CYB5D2: variants seen among roughly 807,000 people sequenced by gnomAD.
CYB5D2 encodes the protein cytochrome b5 domain containing 2.
A neutral mutation model predicts 22.8 loss-of-function variants in CYB5D2; 23 were observed. That is an observed-to-expected ratio of 1.01 (90% CI 0.73 to 1.43). CYB5D2 has a LOEUF of 1.43. Ranked by LOEUF, CYB5D2 falls within the 40% of genes most tolerant of loss-of-function variation. The pLI, the probability that CYB5D2 is intolerant of heterozygous loss-of-function variation, is 0.00. For synonymous variants in CYB5D2, 170 were observed against 152.2 expected (o/e 1.12, Z -0.86); for missense variants, 373 against 357.2 (o/e 1.04, Z -0.36).
At chr17:4,144,375 T>G (rs1047426008) in intron 1 of CYB5D2, among the ~76,000 whole-genome samples, 2 of 152,078 alleles carry the variant, frequency 1.3e-5, no homozygotes, top group African/African-American at 4.8e-5. Flanking sequence ...CCTCACAGTT[T>G]CCTTAATAAT....
At chr17:4,151,996 A>C in intron 2 of CYB5D2, among the ~76,000 whole-genome samples, 2 of 150,042 alleles carry the variant, frequency 1.3e-5, no homozygotes, top group South Asian at 2.1e-4. Context: ...ACGGAGTGAG[A>C]CCCTGTCTCA....
chr17:4,148,412 G>A (rs2059016233), intron 1 of CYB5D2, among the ~76,000 whole-genome samples: 1 of 151,912 alleles, frequency 6.6e-6, no homozygotes, highest in African/African-American at 2.4e-5. Context: ...AGCTACTCAG[G>A]AGGCTGAGGC....
chr17:4,143,712 A>C lies in CYB5D2; in HGVS notation c.-44A>C. On this transcript the variant is annotated 5_prime_UTR_variant, in exon 1 of 4. Transcript: ENST00000301391. Reference sequence around the variant, plus strand: ...CGTCTCGGCCATCTTAGCTGTAGATAGAGGCGGCAACCTCGGAAGTGCGGA... The same window carrying C: ...CGTCTCGGCCATCTTAGCTGTAGATCGAGGCGGCAACCTCGGAAGTGCGGA... 6.4e-7 allele frequency: 1 copy of C among 1,569,942 alleles called. No individual in the cohort carries two copies. Among genetic ancestry groups the C allele is most frequent in the Non-Finnish European group, 8.7e-7 (1 of 1,154,824 alleles).
At chr17:4,148,922 G>C (rs1005648198) in intron 1 of CYB5D2, among the ~76,000 whole-genome samples, 8 of 151,730 alleles carry the variant, frequency 5.3e-5, no homozygotes, top group African/African-American at 1.9e-4. Context: ...TGGCTGTGAG[G>C]GTGCTGATAA....
chr17:4,156,782 C>A, intron 3 of CYB5D2, 84 bp from the exon 4 acceptor site: 1 of 1,440,156 alleles, frequency 6.9e-7, no homozygotes. Context: ...TTTCAGAAGG[C>A]CTGGCTCTCT....
intron 1 of CYB5D2, 106 bp from the exon 2 acceptor site, chr17:4,149,785 T>TGG: frequency 7.1e-7 from 1 of 1,409,244 alleles, no homozygotes; most frequent in Non-Finnish European, 9.5e-7. Flanking sequence ...GGCAACAGAG[T>TGG]GCGACTCCGT....
At chr17:4,144,697 C>T (rs1215654218) in intron 1 of CYB5D2, among the ~76,000 whole-genome samples, 1 of 152,144 alleles carries the variant, frequency 6.6e-6, no homozygotes, top group Non-Finnish European at 1.5e-5. Context: ...ATGCTGGTGT[C>T]CCTGTGTTAC....
intron 2 of CYB5D2, among the ~76,000 whole-genome samples, 190 bp downstream of exon 2, chr17:4,150,221 C>G (rs1567889224): frequency 6.6e-6 from 1 of 152,190 alleles, no homozygotes; most frequent in Non-Finnish European, 1.5e-5. Flanking sequence ...GCTTCCCCCA[C>G]TCTTAGTCTT....
At chr17:4,144,647 C>T (rs2058961717) in intron 1 of CYB5D2, among the ~76,000 whole-genome samples, 2 of 152,132 alleles carry the variant, frequency 1.3e-5, no homozygotes, top group Non-Finnish European at 1.5e-5. Flanking sequence ...CAAAGTTGTG[C>T]ATATGTTAGG....
chr17:4,146,268 T>A (rs1413287148), intron 1 of CYB5D2, among the ~76,000 whole-genome samples: 1 of 152,060 alleles, frequency 6.6e-6, no homozygotes, highest in African/African-American at 2.4e-5. Context: ...TAATTTTTTT[T>A]ATTTTTAATA....
Position 4,154,804 on chromosome 17 carries a change from G to A in CYB5D2, c.522G>A (p.Pro174=), listed in dbSNP as rs189179591. 16 of 1,614,184 alleles carry A rather than the reference G, an allele frequency of 9.9e-6. No homozygotes were observed. In the Admixed American group the frequency reaches 1.3e-4, roughly 13 times the overall value. The change falls in exon 3 of 4, where the codon CCG becomes CCA. Residue 174 remains proline, a synonymous_variant. Coordinates refer to ENST00000301391, the MANE Select transcript of CYB5D2 (RefSeq NM_144611.4). ...LQLQEKQTFP[P]CNAEWSSARG... ...TGCAAGAGAAGCAGACATTCCCGCC[G>A]TGCAACGCGGAGTGGAGCTCAGCCA...
At position 4,149,970 on chromosome 17, in the gene CYB5D2, C is replaced by A. The variant is rs750718885; in HGVS notation, c.330C>A (p.Ala110=). 6.2e-7 allele frequency: 1 copy of A among 1,614,032 alleles called. No individual in the cohort carries two copies. The highest frequency in any genetic ancestry group is 1.1e-5 in the South Asian group (1 of 91,062). Residue 110 remains alanine (A), a synonymous_variant, in exon 2 of 4, where the codon GCC becomes GCA. Transcript: ENST00000301391. The stretch of plus-strand genomic sequence containing the variant: ...TGGATGACGTATCCGACCTGTCAGC[C>A]GCTGAGATGCTGACACTTCACAATT... ...GLVDDVSDLS[A]AEMLTLHNWL...
chr17:4,149,860 C>A (rs1302763820), intron 1 of CYB5D2, 31 bp from the exon 2 acceptor site: 1 of 1,601,866 alleles, frequency 6.2e-7, no homozygotes, highest in East Asian at 2.2e-5. Context: ...GTGGTTTACA[C>A]CTGGGTCTGA....
At chr17:4,155,195 T>A (rs978834792) in intron 3 of CYB5D2, among the ~76,000 whole-genome samples, 4 of 152,232 alleles carry the variant, frequency 2.6e-5, no homozygotes, top group Non-Finnish European at 5.9e-5. Context: ...CTTGCTTTCT[T>A]TGGCCTGCTC....
In CYB5D2 at chr17:4,143,898, G is replaced by A. The variant is rs1253199345; in HGVS notation, c.143G>A (p.Gly48Asp). 3 of 1,613,986 alleles carry A rather than the reference G, an allele frequency of 1.9e-6. No homozygotes were observed. The highest frequency in any genetic ancestry group is 2.5e-6 in the Non-Finnish European group (3 of 1,180,024). The change falls in exon 1 of 4, where the codon GGC becomes GAC. Residue 48 changes from glycine (G) to aspartate (D), a missense_variant. Coordinates refer to ENST00000301391, the MANE Select transcript of CYB5D2 (RefSeq NM_144611.4). ...FIPEELSRYR[G>D]GPGDPGLYLA... ...CCGGAGGAGCTGTCTCGCTACCGCG[G>A]CGGCCCAGGGGACCCGGGCCTGTAC...
chr17:4,146,681 C>T lies in CYB5D2; in HGVS notation c.250+2676C>T, dbSNP rs578150571. Among the ~76,000 whole-genome samples the T allele has an allele frequency of 5.8e-3, 871 of 148,916 alleles. 6 individuals carry two copies. The highest frequency in any genetic ancestry group is 7.5e-3 in the Non-Finnish European group (501 of 67,050). The stretch of plus-strand genomic sequence containing the variant: ...CTGGGATTACAGGCCTGAGCCACCG[C>T]GCCTGGCCCGGTGGGTTTTTTTTTT... On this transcript the variant is annotated intron_variant, in intron 1 of 3. Coordinates refer to ENST00000301391, the MANE Select transcript of CYB5D2 (RefSeq NM_144611.4).
chr17:4,155,831 T>C (rs2059107727), intron 3 of CYB5D2, among the ~76,000 whole-genome samples: 1 of 152,276 alleles, frequency 6.6e-6, no homozygotes, highest in African/African-American at 2.4e-5. Flanking sequence ...CTCTTCTTGC[T>C]TTCATGACTG....
chr17:4,151,733 G>A (rs1349220178), intron 2 of CYB5D2, among the ~76,000 whole-genome samples: 2 of 151,568 alleles, frequency 1.3e-5, no homozygotes, highest in African/African-American at 2.4e-5. Flanking sequence ...AGTCCAGACC[G>A]GTGGCTCATG....
chr17:4,149,387 A>G (rs1399430736), intron 1 of CYB5D2, among the ~76,000 whole-genome samples: 1 of 152,252 alleles, frequency 6.6e-6, no homozygotes, highest in Admixed American at 6.5e-5. Context: ...AGGTAAAAGA[A>G]AGAATATGAC....
Sources: gnomAD v4.1 joint callset for allele counts (sites outside exome capture counted in the v4.1 genomes callset) on GRCh38, gnomAD v4.1.1 for gene constraint, MANE v1.5 for transcripts, NCBI Gene and HGNC (gene_info 2026-07-23, HGNC 2026-07-21) for gene names.